WWOX: variants seen among roughly 807,000 people sequenced by gnomAD.
WWOX encodes WW domain containing oxidoreductase, also known as WW domain-containing oxidoreductase.
In WWOX, 69 loss-of-function variants were observed where a neutral mutation model predicts 46.2. The ratio of observed to expected loss-of-function variants is 1.49; its 90% CI spans 1.23 to 1.82. The LOEUF (loss-of-function observed/expected upper bound fraction) is 1.82. Ranked by LOEUF, WWOX falls within the 40% of genes most tolerant of loss-of-function variation. The pLI, the probability that WWOX is intolerant of heterozygous loss-of-function variation, is 0.00. For synonymous variants in WWOX, 359 were observed against 202.6 expected, an observed-to-expected ratio of 1.77 and a Z score of -6.56; for missense variants, 919 against 542.6, an observed-to-expected ratio of 1.69 and a Z score of -6.89.
At chr16:78,830,880 C>G (rs2051802253) in intron 8 of WWOX, among the ~76,000 whole-genome samples, 1 of 152,130 alleles carries the variant, frequency 6.6e-6, no homozygotes, top group South Asian at 2.1e-4. Flanking sequence ...CATCCTTACC[C>G]TCTATAGCCA....
intron 8 of WWOX, among the ~76,000 whole-genome samples, chr16:78,993,410 C>T (rs540992068): frequency 6.0e-4 from 92 of 152,238 alleles, no homozygotes; most frequent in African/African-American, 2.0e-3. Flanking sequence ...GGGGACTCTG[C>T]CTCGCCTCTC....
rs1229166991 is a variant in WWOX, at chr16:78,125,582, G to T, written c.409+10428G>T. 2.6e-5 allele frequency among the ~76,000 whole-genome samples: 4 copies of T among 152,108 alleles called. No individual in the cohort carries two copies. In the East Asian group the frequency reaches 7.7e-4, roughly 29 times the overall value. Reference sequence around the variant, plus strand: ...TGGATTCAGAAGCTGAAGCTTAGGAGTGGGCATGGTGGTTCACGCCTGTAA... The same window carrying T: ...TGGATTCAGAAGCTGAAGCTTAGGATTGGGCATGGTGGTTCACGCCTGTAA... On this transcript the variant is annotated intron_variant, in intron 4 of 8. Transcript: ENST00000566780.
intron 5 of WWOX, chr16:78,265,821 A>C (rs900202561): frequency 6.6e-6 from 1 of 151,920 alleles, no homozygotes; most frequent in African/African-American, 2.4e-5. Context: ...TCAGTAAGTT[A>C]TTTGTCAAGT....
intron 8 of WWOX, among the ~76,000 whole-genome samples, chr16:78,860,252 T>C (rs2052684791): frequency 6.6e-6 from 1 of 152,238 alleles, no homozygotes; most frequent in Non-Finnish European, 1.5e-5. Context: ...CTATAGTAGA[T>C]GCTTAATAAA....
At chr16:78,725,898 G>A (rs1486776566) in intron 8 of WWOX, among the ~76,000 whole-genome samples, 1 of 151,898 alleles carries the variant, frequency 6.6e-6, no homozygotes, top group East Asian at 1.9e-4. Flanking sequence ...GGGTCTCTCT[G>A]TCTCTACTCC....
intron 8 of WWOX, among the ~76,000 whole-genome samples, chr16:78,955,520 C>T (rs1278732567): frequency 6.6e-6 from 1 of 152,148 alleles, no homozygotes; most frequent in African/African-American, 2.4e-5. Flanking sequence ...TGTAAGCACA[C>T]CAGGCTGCAG....
chr16:78,621,542 C>G (rs1047772324), intron 8 of WWOX, among the ~76,000 whole-genome samples: 2 of 146,588 alleles, frequency 1.4e-5, no homozygotes, highest in Non-Finnish European at 3.0e-5. Context: ...CTTTTATTGG[C>G]CAGTATATTC....
chr16:78,450,232 T>G (rs2083661020), intron 8 of WWOX, among the ~76,000 whole-genome samples: 1 of 152,192 alleles, frequency 6.6e-6, no homozygotes, highest in Admixed American at 6.5e-5. Flanking sequence ...GTGTAGAATT[T>G]GAACCACTTT....
intron 8 of WWOX, among the ~76,000 whole-genome samples, chr16:78,534,008 G>T (rs1416773851): frequency 6.6e-6 from 1 of 152,198 alleles, no homozygotes; most frequent in Admixed American, 6.5e-5. Flanking sequence ...ACTAGAGGAT[G>T]AATGAGTGAT....
intron 8 of WWOX, among the ~76,000 whole-genome samples, chr16:79,093,606 G>A (rs552902435): frequency 5.1e-4 from 77 of 152,240 alleles, no homozygotes; most frequent in African/African-American, 8.4e-4. Flanking sequence ...TCCAGTGCCC[G>A]GTGCAGGGTG....
intron 8 of WWOX, among the ~76,000 whole-genome samples, chr16:78,761,670 C>G (rs1320714228): frequency 6.6e-6 from 1 of 152,120 alleles, no homozygotes; most frequent in Non-Finnish European, 1.5e-5. Context: ...TTGAGTCTGA[C>G]AAGAAACACT....
At chr16:79,147,520 A>G (rs1165369886) in intron 8 of WWOX, among the ~76,000 whole-genome samples, 2 of 152,188 alleles carry the variant, frequency 1.3e-5, no homozygotes, top group African/African-American at 4.8e-5. Flanking sequence ...AAGGAAATCT[A>G]GTCTTGGCTA....
At chr16:78,374,665 C>T (rs1197155918) in intron 5 of WWOX, among the ~76,000 whole-genome samples, 8 of 151,472 alleles carry the variant, frequency 5.3e-5, no homozygotes, top group Non-Finnish European at 8.8e-5. Flanking sequence ...TCTCCTGCCT[C>T]AGCCTCCCGA....
At chr16:78,388,875 A>C (rs2082116993) in intron 6 of WWOX, among the ~76,000 whole-genome samples, 1 of 151,596 alleles carries the variant, frequency 6.6e-6, no homozygotes, top group African/African-American at 2.4e-5. Context: ...AGGCTGAGGC[A>C]GGAGAATGGC....
intron 6 of WWOX, among the ~76,000 whole-genome samples, chr16:78,406,398 G>C (rs1418922624): frequency 7.2e-6 from 1 of 139,000 alleles, no homozygotes; most frequent in Non-Finnish European, 1.5e-5. Flanking sequence ...CTGTCACCAG[G>C]CTGGAGTGCA....
chr16:78,303,361 C>T (rs1031571955), intron 5 of WWOX, among the ~76,000 whole-genome samples: 5 of 152,078 alleles, frequency 3.3e-5, no homozygotes, highest in African/African-American at 4.8e-5. Flanking sequence ...TAGGTACCAG[C>T]CTTGGTTGAA....
At chr16:78,357,409 C>G (rs999004154) in intron 5 of WWOX, among the ~76,000 whole-genome samples, 2 of 152,118 alleles carry the variant, frequency 1.3e-5, no homozygotes, top group East Asian at 1.9e-4. Flanking sequence ...ACTTCTCTTT[C>G]CAGTGGTGTT....
At chr16:78,171,503 A>G (rs1420054117) in intron 5 of WWOX, among the ~76,000 whole-genome samples, 36 of 152,258 alleles carry the variant, frequency 2.4e-4, no homozygotes, top group Non-Finnish European at 1.5e-5. Context: ...TGGGGCGGGT[A>G]AAATACGAGC....
At chr16:78,305,775 A>T (rs1040046293) in intron 5 of WWOX, among the ~76,000 whole-genome samples, 1 of 152,216 alleles carries the variant, frequency 6.6e-6, no homozygotes, top group Non-Finnish European at 1.5e-5. Flanking sequence ...TTAGTTTGAA[A>T]TGAGAAATTG....
Sources: allele counts gnomAD v4.1 joint callset (sites outside exome capture counted in the v4.1 genomes callset), GRCh38; gene constraint gnomAD v4.1.1; transcripts MANE v1.5; gene names NCBI Gene and HGNC (gene_info 2026-07-23, HGNC 2026-07-21).